The following GRID1 variants were observed in gnomAD, a reference collection of about 807,000 sequenced individuals.
GRID1 encodes glutamate receptor ionotropic, delta-1.
GRID1 carries 28 observed loss-of-function variants against 98.0 expected under a neutral mutation model. That is an observed-to-expected ratio of 0.29 (90% CI 0.21 to 0.39). The LOEUF is 0.39. GRID1 is among the 10% of genes least tolerant of loss of function. The pLI, the probability that GRID1 is intolerant of heterozygous loss-of-function variation, is 1.00. For synonymous variants in GRID1, 553 were observed against 538.5 expected (o/e 1.03, Z -0.37); for missense variants, 1,111 against 1,340.5 (o/e 0.83, Z 2.67).
At chr10:86,202,214 C>T (rs777543526) in intron 3 of GRID1, among the ~76,000 whole-genome samples, 2 of 152,218 alleles carry the variant, frequency 1.3e-5, no homozygotes, top group Non-Finnish European at 2.9e-5. Flanking sequence ...ACTTCCAATG[C>T]CAGCCCATGC....
intron 2 of GRID1, among the ~76,000 whole-genome samples, chr10:86,244,566 C>T (rs540633439): frequency 6.6e-6 from 1 of 152,366 alleles, no homozygotes; most frequent in Admixed American, 6.5e-5. Flanking sequence ...GAGGCTGCCA[C>T]CCCCTCGTTA....
chr10:86,225,159 G>T (rs1276370390), intron 2 of GRID1, among the ~76,000 whole-genome samples: 1 of 152,178 alleles, frequency 6.6e-6, no homozygotes, highest in Non-Finnish European at 1.5e-5. Flanking sequence ...CGGGGAGGAA[G>T]GTAGGGGCTG....
At chr10:85,977,601 G>A (rs1169950612) in intron 4 of GRID1, among the ~76,000 whole-genome samples, 2 of 152,180 alleles carry the variant, frequency 1.3e-5, no homozygotes, top group African/African-American at 4.8e-5. Flanking sequence ...GCTTAGATTA[G>A]AGCAAGGCTC....
chr10:86,068,826 A>G (rs151103299), intron 4 of GRID1, among the ~76,000 whole-genome samples: 56 of 152,316 alleles, frequency 3.7e-4, no homozygotes, highest in Non-Finnish European at 6.3e-4. Context: ...CTTTGTAGGT[A>G]TTAATTACTG....
intron 8 of GRID1, among the ~76,000 whole-genome samples, chr10:85,755,234 C>T (rs768231444): frequency 6.6e-6 from 1 of 152,224 alleles, no homozygotes; most frequent in Admixed American, 6.5e-5. Context: ...CACCCCCAAA[C>T]CTAATGGCTT....
At chr10:86,143,380 C>T (rs1318659134) in intron 3 of GRID1, among the ~76,000 whole-genome samples, 1 of 152,162 alleles carries the variant, frequency 6.6e-6, no homozygotes, top group Non-Finnish European at 1.5e-5. Context: ...TAATCCCACC[C>T]TACCCCATCC....
At chr10:85,630,629 T>A (rs997771782) in intron 13 of GRID1, among the ~76,000 whole-genome samples, 1 of 152,056 alleles carries the variant, frequency 6.6e-6, no homozygotes, top group Non-Finnish European at 1.5e-5. Context: ...GTCCTTCAAG[T>A]CTTCTCCAGA....
Position 85,600,592 on chromosome 10 carries a change from G to A in GRID1, c.*1681C>T, listed in dbSNP as rs1323721895. 6.6e-6 allele frequency: 1 copy of A among 152,248 alleles called. No homozygotes were observed. Among genetic ancestry groups the A allele is most frequent in the Non-Finnish European group, 1.5e-5 (1 of 68,076 alleles). 9.4% of individuals were successfully genotyped at this position (152,248 alleles called of 1,614,324 possible). ...TCCCTGATTACTGCTGGCTGTGGGA[G>A]CTCCACCTCCTTCAGTGACAGATGT... is the stretch of plus-strand genomic sequence containing the variant. On this transcript the variant is annotated 3_prime_UTR_variant, in exon 16 of 16. Transcript: ENST00000327946.
At chr10:85,628,525 G>A (rs1375196645) in intron 13 of GRID1, among the ~76,000 whole-genome samples, 1 of 152,180 alleles carries the variant, frequency 6.6e-6, no homozygotes, top group African/African-American at 2.4e-5. Context: ...TGGACCTTCA[G>A]CTGGAGATAA....
rs75908857 is a variant in GRID1, at chr10:86,263,199, A to C, written c.236-56551T>G. On this transcript the variant is annotated intron_variant, in intron 2 of 15. Coordinates refer to ENST00000327946, the MANE Select transcript of GRID1 (RefSeq NM_017551.3). ...AACCAGAACGGTTATTTATCCATTA[A>C]TCTGACATTACACCCCCTGCATTTT... Among the ~76,000 whole-genome samples, 1,214 of 152,362 alleles carry C rather than the reference A, an allele frequency of 8.0e-3. 11 individuals are homozygous for C. Among genetic ancestry groups the C allele is most frequent in the Non-Finnish European group, 0.013 (903 of 68,042 alleles).
intron 8 of GRID1, among the ~76,000 whole-genome samples, chr10:85,732,845 C>A (rs938295414): frequency 1.3e-5 from 2 of 152,136 alleles, no homozygotes; most frequent in South Asian, 4.1e-4. Flanking sequence ...TGACTCTCAA[C>A]CTCACTTTAG....
At chr10:85,722,922 C>T (rs1841719403) in intron 12 of GRID1, 81 bp downstream of exon 12, 2 of 1,264,210 alleles carry the variant, frequency 1.6e-6, no homozygotes, top group Non-Finnish European at 1.1e-6. Context: ...CTCCATCATA[C>T]CACACTGCCC....
At chr10:86,278,340 C>T (rs777383697) in intron 2 of GRID1, among the ~76,000 whole-genome samples, 2 of 152,014 alleles carry the variant, frequency 1.3e-5, no homozygotes, top group Non-Finnish European at 2.9e-5. Flanking sequence ...AAGGGTCAAT[C>T]CAGTGACCTG....
intron 15 of GRID1, among the ~76,000 whole-genome samples, chr10:85,607,552 A>G (rs2132507311): frequency 6.6e-6 from 1 of 152,278 alleles, no homozygotes; most frequent in East Asian, 1.9e-4. Context: ...AAATGGTCTC[A>G]GGAGATGGTG....
chr10:85,789,756 A>T (rs1279407691), intron 8 of GRID1, among the ~76,000 whole-genome samples: 1 of 152,142 alleles, frequency 6.6e-6, no homozygotes, highest in Admixed American at 6.5e-5. Flanking sequence ...GGGGCCTCAC[A>T]GTCAGGGTAG....
intron 2 of GRID1, among the ~76,000 whole-genome samples, chr10:86,232,338 A>T (rs1441985110): frequency 6.6e-6 from 1 of 152,224 alleles, no homozygotes; most frequent in African/African-American, 2.4e-5. Context: ...TCTGGCTGGC[A>T]GTCACTGGGC....
intron 2 of GRID1, among the ~76,000 whole-genome samples, chr10:86,245,398 C>T (rs113950789): frequency 3.3e-5 from 5 of 152,324 alleles, no homozygotes; most frequent in African/African-American, 9.6e-5. Context: ...ACTGCAGCTC[C>T]TACTACCATT....
intron 2 of GRID1, among the ~76,000 whole-genome samples, chr10:86,311,135 G>A (rs1847826541): frequency 1.3e-5 from 2 of 152,270 alleles, no homozygotes; most frequent in Admixed American, 6.5e-5. Context: ...ACACCATATA[G>A]TGGTACCTTG....
intron 12 of GRID1, among the ~76,000 whole-genome samples, chr10:85,668,210 C>T (rs1159115524): frequency 1.3e-5 from 2 of 152,170 alleles, no homozygotes; most frequent in African/African-American, 4.8e-5. Context: ...TCAACCTGGC[C>T]CTTCCTGGCC....
Sources: allele counts gnomAD v4.1 joint callset (sites outside exome capture counted in the v4.1 genomes callset), GRCh38; gene constraint gnomAD v4.1.1; transcripts MANE v1.5; gene names NCBI Gene and HGNC (gene_info 2026-07-23, HGNC 2026-07-21).